The following ANK3 variants were observed in gnomAD, a reference collection of about 807,000 sequenced individuals.
ANK3 encodes ankyrin-3.
A neutral mutation model predicts 370.9 loss-of-function variants in ANK3; 57 were observed. The ratio of observed to expected loss-of-function variants is 0.15; its 90% CI spans 0.12 to 0.19. ANK3 has a LOEUF of 0.19. Among genes scored for constraint, ANK3 ranks in the 10% least tolerant of loss-of-function variants. The pLI is 1.00. For missense variants in ANK3, 4,439 were observed against 5,302.1 expected, an observed-to-expected ratio of 0.84 and a Z score of 5.06; for synonymous variants, 1,929 against 1,946.3, an observed-to-expected ratio of 0.99 and a Z score of 0.23.
chr10:60,524,455 C>A (rs934935424), intron 2 of ANK3, among the ~76,000 whole-genome samples: 3 of 151,986 alleles, frequency 2.0e-5, no homozygotes, highest in Non-Finnish European at 2.9e-5. Flanking sequence ...CTGGTCTTTC[C>A]CATGCTCTTC....
chr10:60,335,463 A>G (rs1316656683), intron 1 of ANK3, among the ~76,000 whole-genome samples: 2 of 152,144 alleles, frequency 1.3e-5, no homozygotes, highest in Admixed American at 1.3e-4. Context: ...TGCAAATGAG[A>G]AGTCAGGCCT....
intron 17 of ANK3, among the ~76,000 whole-genome samples, chr10:60,185,487 G>GAATCCAA: frequency 6.6e-6 from 1 of 152,302 alleles, no homozygotes; most frequent in East Asian, 1.9e-4. Context: ...GACACAGGAA[G>GAATCCAA]AATCCAACTT....
At chr10:60,111,531 A>G (rs1401618975) in intron 26 of ANK3, among the ~76,000 whole-genome samples, 1 of 151,804 alleles carries the variant, frequency 6.6e-6, no homozygotes, top group Non-Finnish European at 1.5e-5. Context: ...GATATATAAT[A>G]ATATTTGTAT....
intron 2 of ANK3, among the ~76,000 whole-genome samples, chr10:60,430,963 G>A (rs984693818): frequency 2.0e-4 from 31 of 152,296 alleles, no homozygotes; most frequent in African/African-American, 6.7e-4. Context: ...GTTAATGCAT[G>A]TAAAGCAGTG....
chr10:60,346,828 G>C (rs922102559), intron 1 of ANK3, among the ~76,000 whole-genome samples: 4 of 151,900 alleles, frequency 2.6e-5, no homozygotes, highest in Non-Finnish European at 5.9e-5. Context: ...GAAAACACTG[G>C]TGGCTTGAAT....
chr10:60,563,053 A>C (rs933612365), intron 2 of ANK3, among the ~76,000 whole-genome samples: 1 of 152,210 alleles, frequency 6.6e-6, no homozygotes, highest in Admixed American at 6.5e-5. Context: ...AAAATTAAGA[A>C]TTTCAAGAAT....
intron 1 of ANK3, among the ~76,000 whole-genome samples, chr10:60,678,309 C>T (rs1318877103): frequency 6.6e-6 from 1 of 152,064 alleles, no homozygotes; most frequent in African/African-American, 2.4e-5. Flanking sequence ...GTTGTATTGG[C>T]TTTAACATAG....
chr10:60,709,578 C>A (rs1046694123), intron 1 of ANK3, among the ~76,000 whole-genome samples: 7 of 151,880 alleles, frequency 4.6e-5, no homozygotes, highest in Admixed American at 2.6e-4. Context: ...AAAATCATGA[C>A]CAGGTGCAGT....
At chr10:60,656,498 C>T (rs1261025368) in intron 1 of ANK3, among the ~76,000 whole-genome samples, 1 of 151,730 alleles carries the variant, frequency 6.6e-6, no homozygotes, top group Non-Finnish European at 1.5e-5. Flanking sequence ...GTCTTTTTGT[C>T]TATTTTACTA....
At chr10:60,060,793 C>G (rs7907841) in intron 40 of ANK3, 146,435 of 152,248 alleles carry the variant, frequency 0.96, 70,580 homozygotes, top group Non-Finnish European at 0.99. Flanking sequence ...ATCAAATAAA[C>G]AGAAATGATA....
intron 1 of ANK3, among the ~76,000 whole-genome samples, chr10:60,331,005 C>T (rs1391041243): frequency 1.3e-5 from 2 of 152,048 alleles, no homozygotes; most frequent in Non-Finnish European, 2.9e-5. Context: ...TCTCAGCAAA[C>T]TAACCACAGG....
At position 60,081,231 on chromosome 10, in the gene ANK3, T is replaced by A. The variant is rs187430386; in HGVS notation, c.4351-613A>T. 6.6e-5 allele frequency among the ~76,000 whole-genome samples: 10 copies of A among 152,236 alleles called. No individual in the cohort carries two copies. The East Asian group carries it at 1.9e-3, about 29-fold the overall frequency. On this transcript the variant is annotated intron_variant, in intron 35 of 43. Transcript: ENST00000280772. ...TCCTGAGTAGATGGGATTACAGGCA[T>A]GCAGCACCACGTCCAGCTAATTTTT...
At position 60,702,390 on chromosome 10, in the gene ANK3, A is replaced by T. The variant is rs186887989; in HGVS notation, c.57+30873T>A. 2.6e-5 allele frequency among the ~76,000 whole-genome samples: 4 copies of T among 152,320 alleles called. No individual in the cohort carries two copies. The East Asian group carries it at 7.7e-4, about 29-fold the overall frequency. The stretch of plus-strand genomic sequence containing the variant: ...GTGAGATATATGCAAAAGCAAAAAG[A>T]ACTGGATACAAAACATTGTACAGTA... On this transcript the variant is annotated intron_variant, in intron 1 of 43. Transcript: ENST00000373827.
At chr10:60,730,975 C>T (rs991297568) in intron 1 of ANK3, among the ~76,000 whole-genome samples, 1 of 152,128 alleles carries the variant, frequency 6.6e-6, no homozygotes, top group Non-Finnish European at 1.5e-5. Flanking sequence ...ATGCCATTTA[C>T]CTAGGCTAGA....
intron 2 of ANK3, among the ~76,000 whole-genome samples, chr10:60,606,254 T>A (rs895053106): frequency 1.3e-5 from 2 of 152,146 alleles, no homozygotes; most frequent in Admixed American, 1.3e-4. Flanking sequence ...CAGTTATAAA[T>A]TTGGGTTGAG....
intron 7 of ANK3, among the ~76,000 whole-genome samples, chr10:60,256,745 A>G (rs1361542959): frequency 1.3e-5 from 2 of 152,148 alleles, no homozygotes; most frequent in Admixed American, 1.3e-4. Flanking sequence ...TTCCTGCATT[A>G]ATTTGCTTGG....
At chr10:60,546,102 C>A (rs1326119504) in intron 2 of ANK3, among the ~76,000 whole-genome samples, 2 of 152,186 alleles carry the variant, frequency 1.3e-5, no homozygotes, top group Non-Finnish European at 2.9e-5. Context: ...GTGGCACAAT[C>A]ATAGTTCTCT....
intron 25 of ANK3, among the ~76,000 whole-genome samples, chr10:60,123,526 A>C (rs1344852774): frequency 6.6e-6 from 1 of 152,120 alleles, no homozygotes; most frequent in Non-Finnish European, 1.5e-5. Flanking sequence ...AAAAAGGAGA[A>C]ATCCAATTAA....
intron 2 of ANK3, among the ~76,000 whole-genome samples, chr10:60,499,615 C>T (rs1040952681): frequency 5.9e-5 from 9 of 152,296 alleles, no homozygotes; most frequent in African/African-American, 1.2e-4. Context: ...CACAATGTTT[C>T]GCTAACATGG....
Sources: allele counts gnomAD v4.1 joint callset (sites outside exome capture counted in the v4.1 genomes callset), GRCh38; gene constraint gnomAD v4.1.1; transcripts MANE v1.5; gene names NCBI Gene and HGNC (gene_info 2026-07-23, HGNC 2026-07-21).